The following NAALADL2 variants were observed in gnomAD, a reference collection of about 807,000 sequenced individuals.
NAALADL2 encodes N-acetylated alpha-linked acidic dipeptidase like 2.
In NAALADL2, 76 loss-of-function variants were observed where a neutral mutation model predicts 87.2. The ratio of observed to expected loss-of-function variants is 0.87; its 90% CI spans 0.72 to 1.05. NAALADL2 has a LOEUF of 1.05. Among genes scored for constraint, NAALADL2 ranks in the 50% least tolerant of loss-of-function variants. NAALADL2 has a pLI of 0.00. For missense variants in NAALADL2, 1,089 were observed against 945.8 expected (o/e 1.15, Z -1.99); for synonymous variants, 354 against 331.0 (o/e 1.07, Z -0.75).
Position 175,474,513 on chromosome 3 carries a change from C to T in NAALADL2, c.1653+2755C>T, listed in dbSNP as rs1467303559. ...CAACATCTTGATATGATAGTCTTAT[C>T]GCTCAAGTCACAATTACTGGATATA... On this transcript the variant is annotated intron_variant, in intron 9 of 13. Coordinates refer to ENST00000454872, the MANE Select transcript of NAALADL2 (RefSeq NM_207015.3). Among the ~76,000 whole-genome samples, 16 of 152,130 alleles carry T rather than the reference C, an allele frequency of 1.1e-4. No individual in the cohort carries two copies. In the East Asian group the frequency reaches 1.9e-3, roughly 18 times the overall value.
intron 2 of NAALADL2, among the ~76,000 whole-genome samples, chr3:174,620,010 A>G (rs1190701234): frequency 1.3e-5 from 2 of 151,970 alleles, no homozygotes; most frequent in African/African-American, 2.4e-5. Flanking sequence ...ACAAGCATGT[A>G]TCTAAAAAGC....
chr3:175,424,822 C>A (rs1458184309), intron 5 of NAALADL2, among the ~76,000 whole-genome samples: 1 of 152,070 alleles, frequency 6.6e-6, no homozygotes, highest in Non-Finnish European at 1.5e-5. Context: ...CCAAGCACTG[C>A]CACATAAATA....
At chr3:174,786,449 C>CAAAAA (rs36127298) in intron 3 of NAALADL2, among the ~76,000 whole-genome samples, 1 of 122,674 alleles carries the variant, frequency 8.2e-6, no homozygotes, top group Non-Finnish European at 1.7e-5. Flanking sequence ...GACTCTGTCT[C>CAAAAA]AAAAAAAAAA....
At chr3:174,681,260 T>C (rs1325271687) in intron 2 of NAALADL2, among the ~76,000 whole-genome samples, 1 of 152,152 alleles carries the variant, frequency 6.6e-6, no homozygotes, top group East Asian at 1.9e-4. Context: ...AAAGGTAGTC[T>C]AAGCTGCAAG....
chr3:174,716,199 G>T (rs956351354), intron 2 of NAALADL2, among the ~76,000 whole-genome samples: 1 of 152,012 alleles, frequency 6.6e-6, no homozygotes, highest in African/African-American at 2.4e-5. Flanking sequence ...CTGATGAAGG[G>T]CACAGCTCTA....
At chr3:174,600,698 A>G (rs1352561858) in intron 2 of NAALADL2, among the ~76,000 whole-genome samples, 1 of 152,128 alleles carries the variant, frequency 6.6e-6, no homozygotes. Context: ...GGAGTCCTCA[A>G]TAAATTTTAA....
At chr3:175,006,237 C>T (rs375407658) in intron 1 of NAALADL2, among the ~76,000 whole-genome samples, 2 of 152,132 alleles carry the variant, frequency 1.3e-5, no homozygotes, top group African/African-American at 4.8e-5. Context: ...TCTCCTCTGT[C>T]GTCTGGCACT....
At chr3:175,066,965 T>G (rs756028797) in intron 1 of NAALADL2, among the ~76,000 whole-genome samples, 3 of 152,190 alleles carry the variant, frequency 2.0e-5, no homozygotes, top group Non-Finnish European at 4.4e-5. Flanking sequence ...GCCTATCTAA[T>G]TATTTCCCTT....
chr3:175,788,248 A>G (rs1752351303), intron 13 of NAALADL2, among the ~76,000 whole-genome samples: 2 of 151,964 alleles, frequency 1.3e-5, no homozygotes, highest in African/African-American at 4.8e-5. Flanking sequence ...GTGTGCCACT[A>G]TGCTCAACTA....
intron 2 of NAALADL2, among the ~76,000 whole-genome samples, chr3:175,126,266 A>G (rs1726936730): frequency 6.6e-6 from 1 of 152,116 alleles, no homozygotes; most frequent in Non-Finnish European, 1.5e-5. Flanking sequence ...TAGGAAAAAA[A>G]GCATTAGCTC....
intron 9 of NAALADL2, among the ~76,000 whole-genome samples, chr3:175,519,001 T>C (rs1408513764): frequency 6.6e-6 from 1 of 152,204 alleles, no homozygotes; most frequent in Non-Finnish European, 1.5e-5. Flanking sequence ...TGTGGAAATA[T>C]GATTGAACAA....
chr3:175,408,298 AAGTT>A lies in NAALADL2; in HGVS notation c.1091-38927_1091-38924del, dbSNP rs907691456. On this transcript the variant is annotated intron_variant, in intron 5 of 13. Transcript: ENST00000454872. ...TTTTAATGTTCTCACTGGACAAAAAAAGTTAGTGAGGTGATGAATATGTTAATTA... is the reference window on the plus strand; with the variant it reads ...TTTTAATGTTCTCACTGGACAAAAAAAGTGAGGTGATGAATATGTTAATTA... Among the ~76,000 whole-genome samples, 24 of 152,254 alleles carry A rather than the reference AAGTT, an allele frequency of 1.6e-4. No individual in the cohort carries two copies. In the South Asian group the frequency reaches 2.5e-3, roughly 16 times the overall value.
chr3:175,791,090 C>T lies in NAALADL2; in HGVS notation c.2190-11915C>T, dbSNP rs529195194. On this transcript the variant is annotated intron_variant, in intron 13 of 13. Transcript: ENST00000454872. ...ACCTTTAAAAGTTTCGCAGGTTATT[C>T]TCATGCACATTAAATTTGGTAATGA... is the stretch of plus-strand genomic sequence containing the variant. 1.4e-3 allele frequency among the ~76,000 whole-genome samples: 209 copies of T among 152,186 alleles called. 3 individuals carry two copies. Among genetic ancestry groups the T allele is most frequent in the Middle Eastern group, 0.01 (3 of 294 alleles).
intron 2 of NAALADL2, among the ~76,000 whole-genome samples, chr3:175,166,043 T>G (rs1309184409): frequency 6.8e-6 from 1 of 147,722 alleles, no homozygotes; most frequent in African/African-American, 2.6e-5. Flanking sequence ...CTCCATATTT[T>G]TTTTTTTTTT....
At chr3:175,180,214 G>A (rs998106147) in intron 2 of NAALADL2, among the ~76,000 whole-genome samples, 1 of 151,850 alleles carries the variant, frequency 6.6e-6, no homozygotes, top group Non-Finnish European at 1.5e-5. Context: ...TTTGGCCAAT[G>A]AAAATTTAAA....
intron 2 of NAALADL2, among the ~76,000 whole-genome samples, chr3:174,686,288 A>C (rs1381766343): frequency 1.3e-5 from 2 of 152,128 alleles, no homozygotes; most frequent in East Asian, 1.9e-4. Flanking sequence ...TCCCACCAAC[A>C]CTATATACAT....
chr3:174,643,426 A>G (rs506476), intron 2 of NAALADL2, among the ~76,000 whole-genome samples: 100,603 of 151,992 alleles, frequency 0.66, 34,927 homozygotes, highest in East Asian at 0.92. Context: ...GGCTGAAGCC[A>G]GCAGATCACG....
chr3:175,317,173 A>T (rs929630432), intron 4 of NAALADL2, among the ~76,000 whole-genome samples: 6 of 152,164 alleles, frequency 3.9e-5, no homozygotes, highest in African/African-American at 1.4e-4. Context: ...GGGTCACAAC[A>T]TGTTACCAAA....
rs71624292 is a variant in NAALADL2 at position 174,810,597 on chromosome 3, CA to C, written c.-9+72866del. ...TTCTAACAGCCTATATATATGTAAG[CA>C]AAAAAAAAAAAAAATGATCCAAAAC... On this transcript the variant is annotated intron_variant, in intron 3 of 3. Transcript: ENST00000434257. Among the ~76,000 whole-genome samples, 460 of 110,006 alleles carry C rather than the reference CA, an allele frequency of 4.2e-3. 1 individual carries two copies. The highest frequency in any genetic ancestry group is 0.015 in the Middle Eastern group (3 of 206). The allele number at this position is 110,006 out of a possible 152,430, so 72.2% of individuals were successfully genotyped here. A position where few individuals can be genotyped will look rare whatever the true frequency, so the allele number is the denominator to read the frequency against.
Sources: gnomAD v4.1 joint callset for allele counts (sites outside exome capture counted in the v4.1 genomes callset) on GRCh38, gnomAD v4.1.1 for gene constraint, MANE v1.5 for transcripts, NCBI Gene and HGNC (gene_info 2026-07-23, HGNC 2026-07-21) for gene names.